Variants in LGR6 observed in about 807,000 individuals in gnomAD.
LGR6 encodes leucine rich repeat containing G protein-coupled receptor 6.
In LGR6, 45 loss-of-function variants were observed where a neutral mutation model predicts 69.4. The observed-to-expected ratio is 0.65, with a 90% CI of 0.51 to 0.83. The LOEUF (loss-of-function observed/expected upper bound fraction) is 0.83, where lower values mean the gene tolerates loss of function less well. LGR6 is among the 40% of genes least tolerant of loss of function. The probability of loss-of-function intolerance (pLI) is 0.00; values close to 1 mark genes in which losing one functional copy is unlikely to be tolerated. For synonymous variants in LGR6, 538 were observed against 555.0 expected (o/e 0.97, Z 0.43); for missense variants, 1,108 against 1,246.7 (o/e 0.89, Z 1.68).
chr1:202,196,045 G>A (rs1237254251), intron 1 of LGR6, among the ~76,000 whole-genome samples: 1 of 152,166 alleles, frequency 6.6e-6, no homozygotes, highest in Non-Finnish European at 1.5e-5. Context: ...CCTGGGGATT[G>A]AGAAAGCCCC....
chr1:202,211,454 C>G (rs894689274), intron 1 of LGR6, among the ~76,000 whole-genome samples: 5 of 152,136 alleles, frequency 3.3e-5, no homozygotes, highest in South Asian at 2.1e-4. Flanking sequence ...CCCAGCCCCC[C>G]AGGTTCAAGC....
intron 5 of LGR6, 29 bp downstream of exon 5, chr1:202,276,550 G>T (rs1665574798): frequency 6.4e-7 from 1 of 1,563,418 alleles, no homozygotes; most frequent in Non-Finnish European, 8.8e-7. Context: ...CCCATCCCCA[G>T]TGGGGTCCTG....
chr1:202,193,948 C>G lies in LGR6; in HGVS notation c.-42C>G. 1 of 1,241,726 alleles carries G rather than the reference C, an allele frequency of 8.1e-7. No homozygotes were observed. Among genetic ancestry groups the G allele is most frequent in the Non-Finnish European group, 1.0e-6 (1 of 979,030 alleles). The allele number at this position is 1,241,726 out of a possible 1,614,324, so 76.9% of individuals were successfully genotyped here. On this transcript the variant is annotated 5_prime_UTR_variant, in exon 1 of 18. Transcript: ENST00000367278. ...CAGCTGCGGCCATCGCGCCGTGCGT[C>G]CGCGCCCGGCCGCCAGGTGCCCCAG...
chr1:202,274,308 C>T (rs1665362284), intron 4 of LGR6, among the ~76,000 whole-genome samples: 1 of 152,184 alleles, frequency 6.6e-6, no homozygotes, highest in South Asian at 2.1e-4. Context: ...CTAGGCATTG[C>T]GCTGGGTGCT....
chr1:202,197,542 T>C (rs1242668594), intron 1 of LGR6: 2 of 503,480 alleles, frequency 4.0e-6, no homozygotes, highest in Admixed American at 4.4e-5. Flanking sequence ...ATGGAGCCCC[T>C]GGCTCTGGGA....
chr1:202,249,742 G>A (rs769173752), intron 4 of LGR6, among the ~76,000 whole-genome samples: 3 of 152,040 alleles, frequency 2.0e-5, no homozygotes, highest in African/African-American at 7.3e-5. Context: ...CATCCTGTTC[G>A]CTCTGGAGTA....
At chr1:202,316,909 C>T (rs936049200) in intron 17 of LGR6, among the ~76,000 whole-genome samples, 10 of 152,122 alleles carry the variant, frequency 6.6e-5, no homozygotes, top group African/African-American at 2.4e-4. Context: ...ACACCAGGAT[C>T]TCACGCATCT....
intron 4 of LGR6, among the ~76,000 whole-genome samples, chr1:202,256,764 C>T (rs1663808010): frequency 6.6e-6 from 1 of 152,200 alleles, no homozygotes; most frequent in Admixed American, 6.5e-5. Flanking sequence ...TATAGAAACT[C>T]TATGTAAAAC....
intron 4 of LGR6, among the ~76,000 whole-genome samples, chr1:202,269,095 G>A (rs921800552): frequency 6.6e-6 from 1 of 151,912 alleles, no homozygotes; most frequent in East Asian, 1.9e-4. Context: ...TTCTAGAGAG[G>A]GTGTCTTGCT....
chr1:202,195,772 G>T (rs951806681), intron 1 of LGR6, among the ~76,000 whole-genome samples: 3 of 152,204 alleles, frequency 2.0e-5, no homozygotes, highest in African/African-American at 7.2e-5. Flanking sequence ...CTGAAGGAAG[G>T]TCCCTTGCCT....
intron 1 of LGR6, among the ~76,000 whole-genome samples, chr1:202,222,777 G>A (rs1157926187): frequency 6.6e-6 from 1 of 152,164 alleles, no homozygotes; most frequent in African/African-American, 2.4e-5. Flanking sequence ...AGTGGGGCCT[G>A]AAAACATCCT....
intron 6 of LGR6, among the ~76,000 whole-genome samples, chr1:202,293,855 C>T (rs1666965402): frequency 6.6e-6 from 1 of 152,156 alleles, no homozygotes; most frequent in Non-Finnish European, 1.5e-5. Context: ...TGCCTTTTAC[C>T]ATATGTCTTT....
At position 202,309,050 on chromosome 1, in the gene LGR6, G is replaced by A; in HGVS notation, c.1281-1G>A. The A allele has an allele frequency of 1.2e-6, 2 of 1,613,960 alleles. No homozygotes were observed. The highest frequency in any genetic ancestry group is 1.7e-6 in the Non-Finnish European group (2 of 1,179,940). On this transcript the variant is annotated splice_acceptor_variant, in intron 14 of 17. Coordinates refer to ENST00000367278, the MANE Select transcript of LGR6 (RefSeq NM_001017403.2). LOFTEE classifies it high-confidence loss of function. ...ATAACCCTGACCATCCACTGTCCTA[G>A]GGACCTGACAGACAACCAGCTGACC...
intron 1 of LGR6, chr1:202,194,528 T>C (rs747988976): frequency 3.2e-6 from 2 of 625,664 alleles, no homozygotes; most frequent in Non-Finnish European, 6.2e-6. Flanking sequence ...CCATCTCCTG[T>C]TGCTGCATTC....
At chr1:202,221,172 C>A (rs1660130439) in intron 1 of LGR6, among the ~76,000 whole-genome samples, 1 of 152,122 alleles carries the variant, frequency 6.6e-6, no homozygotes. Context: ...TTCACTGTTT[C>A]TTCTTCCCAT....
chr1:202,297,298 G>A (rs1667230813), intron 6 of LGR6, among the ~76,000 whole-genome samples: 1 of 152,196 alleles, frequency 6.6e-6, no homozygotes, highest in Non-Finnish European at 1.5e-5. Context: ...GAACAGTTCT[G>A]CAGCCAGGAA....
chr1:202,319,659 A>G lies in LGR6; in HGVS notation c.*452A>G, dbSNP rs1022301136. The G allele has an allele frequency of 2.5e-5, 4 of 160,944 alleles. No individual in the cohort carries two copies. Among genetic ancestry groups the G allele is most frequent in the South Asian group, 3.6e-4 (2 of 5,552 alleles). 10.0% of individuals were successfully genotyped at this position (160,944 alleles called of 1,614,324 possible). ...TAATCTTGACATATGCCATGCATAAAGACTTCCTATTAAAATAAGCTTTGG... is the reference window on the plus strand; with the variant it reads ...TAATCTTGACATATGCCATGCATAAGGACTTCCTATTAAAATAAGCTTTGG... On this transcript the variant is annotated 3_prime_UTR_variant, in exon 18 of 18. Transcript: ENST00000367278.
At position 202,316,750 on chromosome 1, in the gene LGR6, A is replaced by C. The variant is rs372085701; in HGVS notation, c.1649-1202A>C. ...TTTGGTAATAAGAAAGAAAAGGTTT[A>C]AAAATAGCTCCCACAAAAGCCTCTC... is the stretch of plus-strand genomic sequence containing the variant. On this transcript the variant is annotated intron_variant, in intron 17 of 17. Coordinates refer to ENST00000367278, the MANE Select transcript of LGR6 (RefSeq NM_001017403.2). Among the ~76,000 whole-genome samples the C allele has an allele frequency of 6.2e-4, 94 of 152,338 alleles. No individual in the cohort carries two copies. The South Asian group carries it at 0.011, about 18-fold the overall frequency.
rs760177736 is a variant in LGR6, at chr1:202,276,371, G to A, written c.494G>A (p.Arg165His). 1.1e-5 allele frequency: 17 copies of A among 1,613,956 alleles called. No individual in the cohort carries two copies. The East Asian group carries it at 1.3e-4, about 13-fold the overall frequency. Reference sequence around the variant, plus strand: ...AGCTTTGAGGGGCTGTCCTCCCTCCGCCACCTCTGGCTGGACGACAATGCA... The same window carrying A: ...AGCTTTGAGGGGCTGTCCTCCCTCCACCACCTCTGGCTGGACGACAATGCA... ...ERSFEGLSSL[R>H]HLWLDDNALT... The change falls in exon 5 of 18, where the codon CGC (arginine) becomes CAC (histidine). Residue 165 changes from arginine to histidine, a missense_variant. Transcript: ENST00000367278.
Sources: allele counts gnomAD v4.1 joint callset (sites outside exome capture counted in the v4.1 genomes callset), GRCh38; gene constraint gnomAD v4.1.1; transcripts MANE v1.5; gene names NCBI Gene and HGNC (gene_info 2026-07-23, HGNC 2026-07-21).